GOLGA1: variants seen among roughly 807,000 people sequenced by gnomAD.
GOLGA1 encodes the protein golgin subfamily A member 1.
In GOLGA1, 63 loss-of-function variants were observed where a neutral mutation model predicts 119.7. The ratio of observed to expected loss-of-function variants is 0.53; its 90% CI spans 0.43 to 0.65. The LOEUF is 0.65. GOLGA1 is among the 30% of genes least tolerant of loss of function. The pLI is 0.00. For synonymous variants in GOLGA1, 318 were observed against 333.4 expected, an observed-to-expected ratio of 0.95 and a Z score of 0.50; for missense variants, 798 against 912.8, an observed-to-expected ratio of 0.87 and a Z score of 1.62.
At chr9:124,916,109 A>G (rs1471479289) in intron 10 of GOLGA1, among the ~76,000 whole-genome samples, 1 of 150,772 alleles carries the variant, frequency 6.6e-6, no homozygotes, top group Non-Finnish European at 1.5e-5. Context: ...CTCTAAATAA[A>G]TAAATAAATA....
At chr9:124,903,651 C>CAAAA (rs11435294) in intron 12 of GOLGA1, among the ~76,000 whole-genome samples, 4 of 91,268 alleles carry the variant, frequency 4.4e-5, no homozygotes, top group Non-Finnish European at 6.1e-5. Context: ...AGAAAAAGAC[C>CAAAA]AAAAAAAAAA....
At chr9:124,945,999 C>T (rs1469255549), upstream of GOLGA1, 2 of 152,134 alleles carry the variant, frequency 1.3e-5, no homozygotes, top group Non-Finnish European at 2.9e-5. Flanking sequence ...ACCTTATTCA[C>T]CCTCAAAGTT....
intron 15 of GOLGA1, among the ~76,000 whole-genome samples, chr9:124,893,908 G>A (rs1036933620): frequency 3.9e-5 from 6 of 152,152 alleles, no homozygotes; most frequent in African/African-American, 1.4e-4. Flanking sequence ...CAGTTTTTCT[G>A]GGAGTCCTCA....
At chr9:124,912,758 G>A (rs1421359354) in intron 10 of GOLGA1, among the ~76,000 whole-genome samples, 1 of 152,086 alleles carries the variant, frequency 6.6e-6, no homozygotes, top group Non-Finnish European at 1.5e-5. Context: ...TGGCCAGGAT[G>A]GTCTCAATCT....
In GOLGA1 at chr9:124,880,355, C is replaced by G. The variant is rs1018569371; in HGVS notation, c.*175G>C. On this transcript the variant is annotated 3_prime_UTR_variant, in exon 23 of 23. Coordinates refer to ENST00000373555, the MANE Select transcript of GOLGA1 (RefSeq NM_002077.4). ...ACCAGAATGACAGGATCAGCTACCCCCTGAGGTTCAGGTCAGCCTGCAGGG... is the reference window on the plus strand; with the variant it reads ...ACCAGAATGACAGGATCAGCTACCCGCTGAGGTTCAGGTCAGCCTGCAGGG... 3 of 510,816 alleles carry G rather than the reference C, an allele frequency of 5.9e-6. No individual in the cohort carries two copies. The highest frequency in any genetic ancestry group is 2.0e-5 in the South Asian group (1 of 50,162). The allele number at this position is 510,816 out of a possible 1,614,324, so 31.6% of individuals were successfully genotyped here. A position where few individuals can be genotyped will look rare whatever the true frequency, so the allele number is the denominator to read the frequency against.
At chr9:124,913,680 T>C (rs542667963) in intron 10 of GOLGA1, among the ~76,000 whole-genome samples, 26 of 152,326 alleles carry the variant, frequency 1.7e-4, no homozygotes, top group African/African-American at 6.0e-4. Flanking sequence ...CTGAACTCTA[T>C]CTGTTGTTTT....
intron 10 of GOLGA1, among the ~76,000 whole-genome samples, chr9:124,914,813 A>G (rs999808357): frequency 6.6e-6 from 1 of 152,244 alleles, no homozygotes; most frequent in Non-Finnish European, 1.5e-5. Flanking sequence ...CTACACATCA[A>G]TCTGAATTCA....
upstream of GOLGA1, among the ~76,000 whole-genome samples, chr9:124,942,069 A>C (rs981099646): frequency 2.0e-5 from 3 of 152,204 alleles, no homozygotes; most frequent in African/African-American, 7.2e-5. Context: ...CGAGGTCAGG[A>C]GTTCAGACCA....
chr9:124,906,421 A>G (rs1830233595), intron 12 of GOLGA1, among the ~76,000 whole-genome samples: 1 of 149,742 alleles, frequency 6.7e-6, no homozygotes, highest in Non-Finnish European at 1.5e-5. Flanking sequence ...ACAGAGTGAG[A>G]CTCTATCTCA....
intron 3 of GOLGA1, among the ~76,000 whole-genome samples, chr9:124,932,647 C>A (rs1227585258): frequency 6.6e-6 from 1 of 152,190 alleles, no homozygotes; most frequent in Non-Finnish European, 1.5e-5. Flanking sequence ...TATGTGTCAT[C>A]TATTACTAGT....
chr9:124,937,858 G>A (rs1033267720), intron 3 of GOLGA1, among the ~76,000 whole-genome samples: 5 of 152,066 alleles, frequency 3.3e-5, no homozygotes, highest in African/African-American at 1.2e-4. Flanking sequence ...CAAGGTGGGC[G>A]GATCGCCTGA....
chr9:124,888,505 C>T lies in GOLGA1; in HGVS notation c.1762-109G>A, dbSNP rs984894643. 5.4e-6 allele frequency: 5 copies of T among 921,460 alleles called. No individual in the cohort carries two copies. Among genetic ancestry groups the T allele is most frequent in the Non-Finnish European group, 3.4e-6 (2 of 589,830 alleles). 57.1% of individuals were successfully genotyped at this position (921,460 alleles called of 1,614,324 possible). ...TCGTCCCTTAGGTATGGGCGTTGTG[C>T]TCCAACAGGCAACTGGCCAGGAAGC... On this transcript the variant is annotated intron_variant, in intron 18 of 22. Transcript: ENST00000373555. The surrounding 1 kb of genome is among the most constrained non-coding windows in gnomAD (Gnocchi z 4.4).
At position 124,878,312 on chromosome 9, in the gene GOLGA1, A is replaced by G. The variant is rs138401811; in HGVS notation, c.*2218T>C. ...TGTTAAATATGAGACACAAAATACCAGATTTAATGAGTCAAAGAAATACTG... is the reference window on the plus strand; with the variant it reads ...TGTTAAATATGAGACACAAAATACCGGATTTAATGAGTCAAAGAAATACTG... On this transcript the variant is annotated 3_prime_UTR_variant, in exon 23 of 23. Transcript: ENST00000373555. The G allele has an allele frequency of 6.6e-6, 1 of 152,394 alleles. No homozygotes were observed. The highest frequency in any genetic ancestry group is 2.4e-5 in the African/African-American group (1 of 41,580). The allele number at this position is 152,394 out of a possible 1,614,324, so 9.4% of individuals were successfully genotyped here. A position where few individuals can be genotyped will look rare whatever the true frequency, so the allele number is the denominator to read the frequency against.
chr9:124,900,144 T>C (rs895533043), intron 13 of GOLGA1: 15 of 251,334 alleles, frequency 6.0e-5, no homozygotes, highest in Non-Finnish European at 1.1e-4. Context: ...CCGCCCCTGA[T>C]TGCAAGTTGA....
rs1198805362 is a variant in GOLGA1 at position 124,926,739 on chromosome 9, T to C, written c.402A>G (p.Glu134=). The C allele has an allele frequency of 1.3e-6, 2 of 1,556,022 alleles. No individual in the cohort carries two copies. Among genetic ancestry groups the C allele is most frequent in the Non-Finnish European group, 1.8e-6 (2 of 1,133,938 alleles). Residue 134 remains glutamate (E), a splice_region_variant and synonymous_variant, in exon 7 of 23, where the codon GAA becomes GAG. Coordinates refer to ENST00000373555, the MANE Select transcript of GOLGA1 (RefSeq NM_002077.4). ...LALALARKDQ[E]WSEKMDQLEK... The stretch of plus-strand genomic sequence containing the variant: ...CAAGCTGATCCATCTTTTCTGACCA[T>C]TCCTAAAACAAAACAATAAAAAAGT...
intron 12 of GOLGA1, among the ~76,000 whole-genome samples, chr9:124,901,296 G>C (rs544478447): frequency 1.5e-5 from 2 of 136,884 alleles, no homozygotes; most frequent in East Asian, 2.2e-4. Flanking sequence ...TTTTGAGATG[G>C]AGTGTCACTC....
intron 19 of GOLGA1, among the ~76,000 whole-genome samples, chr9:124,885,418 G>C (rs973708397): frequency 3.3e-5 from 5 of 150,968 alleles, no homozygotes; most frequent in African/African-American, 7.3e-5. Flanking sequence ...CGAGGAGGCA[G>C]AGGTCGCAGT....
At chr9:124,935,692 G>A (rs946697682) in intron 3 of GOLGA1, among the ~76,000 whole-genome samples, 3 of 151,400 alleles carry the variant, frequency 2.0e-5, no homozygotes, top group African/African-American at 7.3e-5. Flanking sequence ...AGCTACTTGG[G>A]AGGCTGAGTG....
At chr9:124,927,605 C>G (rs1247962135) in intron 6 of GOLGA1, among the ~76,000 whole-genome samples, 1 of 152,168 alleles carries the variant, frequency 6.6e-6, no homozygotes, top group East Asian at 1.9e-4. Context: ...TTTAAAATGT[C>G]ATCTATTATT....
Sources: allele counts gnomAD v4.1 joint callset (sites outside exome capture counted in the v4.1 genomes callset), GRCh38; gene constraint gnomAD v4.1.1; non-coding constraint Gnocchi (gnomAD v3.1); transcripts MANE v1.5; gene names NCBI Gene and HGNC (gene_info 2026-07-23, HGNC 2026-07-21).